Variants in GC observed in about 807,000 individuals in gnomAD.
GC encodes vitamin D-binding protein.
Under a neutral mutation model 56.7 loss-of-function variants are expected in GC, and 43 were observed. That is an observed-to-expected ratio of 0.76 (90% CI 0.59 to 0.98). The LOEUF is 0.98. Among genes scored for constraint, GC ranks in the 50% least tolerant of loss-of-function variants. The pLI, the probability that GC is intolerant of heterozygous loss-of-function variation, is 0.00. For missense variants in GC, 529 were observed against 545.9 expected, an observed-to-expected ratio of 0.97 and a Z score of 0.31; for synonymous variants, 216 against 202.7, an observed-to-expected ratio of 1.07 and a Z score of -0.56.
chr4:71,743,437 T>C (rs1741252720), intron 12 of GC, among the ~76,000 whole-genome samples: 1 of 152,312 alleles, frequency 6.6e-6, no homozygotes, highest in African/African-American at 2.4e-5. Context: ...ATGAAAAGAC[T>C]GATCTATCTG....
At chr4:71,764,462 G>A (rs578213977) in intron 4 of GC, among the ~76,000 whole-genome samples, 5 of 152,134 alleles carry the variant, frequency 3.3e-5, no homozygotes, top group African/African-American at 1.2e-4. Flanking sequence ...GTTTGTGTGA[G>A]AGGAGGGGCC....
In GC at chr4:71,754,440, T is replaced by A; in HGVS notation, c.1233A>T (p.Ser411=). The A allele has an allele frequency of 6.3e-7, 1 of 1,576,432 alleles. No homozygotes were observed. The highest frequency in any genetic ancestry group is 8.7e-7 in the Non-Finnish European group (1 of 1,147,082). The change falls in exon 10 of 13, where the codon TCA becomes TCT. Residue 411 remains serine (S), a synonymous_variant. Coordinates refer to ENST00000273951, the MANE Select transcript of GC (RefSeq NM_000583.4). ...DKGQELCADY[S]ENTFTEYKKK... is the part of the protein sequence containing the mutation. ...TCTTGTACTCAGTAAATGTATTTTC[T>A]GAATAATCTGCACATAGTTCTTGTC...
At chr4:71,790,776 A>G (rs964643400) in intron 1 of GC, among the ~76,000 whole-genome samples, 1 of 151,404 alleles carries the variant, frequency 6.6e-6, no homozygotes, top group Non-Finnish European at 1.5e-5. Flanking sequence ...TAATTTTATT[A>G]TTATTATACT....
At chr4:71,797,564 G>C (rs1050652353) in intron 1 of GC, among the ~76,000 whole-genome samples, 9 of 152,138 alleles carry the variant, frequency 5.9e-5, no homozygotes, top group Non-Finnish European at 1.2e-4. Context: ...TTTTTTCCAG[G>C]TACATTCTGT....
At chr4:71,754,927 T>C (rs1187375354) in intron 9 of GC, 51 bp downstream of exon 9, 1 of 1,395,430 alleles carries the variant, frequency 7.2e-7, no homozygotes, top group East Asian at 2.6e-5. Context: ...TGAACTATAA[T>C]TTTCCAACCC....
chr4:71,771,765 C>A (rs557415986), intron 1 of GC, among the ~76,000 whole-genome samples: 1 of 152,100 alleles, frequency 6.6e-6, no homozygotes, highest in African/African-American at 2.4e-5. Context: ...TATTGTGACA[C>A]GTTCAAAAGG....
intron 1 of GC, among the ~76,000 whole-genome samples, chr4:71,796,788 C>T (rs149935182): frequency 0.01 from 1,540 of 152,236 alleles, 30 homozygotes; most frequent in African/African-American, 0.036. Context: ...TGGTTTCTCC[C>T]CATCTTTGTG....
At chr4:71,793,872 T>C (rs1459708668) in intron 1 of GC, among the ~76,000 whole-genome samples, 4 of 152,346 alleles carry the variant, frequency 2.6e-5, no homozygotes, top group African/African-American at 9.6e-5. Flanking sequence ...TGAAGGGCTG[T>C]TGAATTTTGT....
chr4:71,761,572 A>T (rs1741975763), intron 6 of GC, among the ~76,000 whole-genome samples: 1 of 152,218 alleles, frequency 6.6e-6, no homozygotes, highest in African/African-American at 2.4e-5. Flanking sequence ...TGTATCCAAG[A>T]CATGTCAGAA....
At chr4:71,782,648 G>A (rs1351653639) in intron 1 of GC, among the ~76,000 whole-genome samples, 2 of 151,730 alleles carry the variant, frequency 1.3e-5, no homozygotes, top group African/African-American at 4.8e-5. Context: ...TGCACCTATT[G>A]AGTCAGCAGT....
At chr4:71,746,281 A>G (rs1741360750) in intron 11 of GC, 76 bp from the exon 12 acceptor site, 3 of 681,500 alleles carry the variant, frequency 4.4e-6, no homozygotes, top group Non-Finnish European at 7.7e-6. Flanking sequence ...CAGAAGGTAT[A>G]CAAAATCTTG....
intron 6 of GC, 50 bp downstream of exon 6, chr4:71,763,358 G>T: frequency 1.1e-6 from 1 of 913,588 alleles, no homozygotes; most frequent in South Asian, 1.5e-5. Flanking sequence ...ATTATGGATA[G>T]ACAGTGCAGA....
At chr4:71,762,842 C>A (rs1421139277) in intron 6 of GC, among the ~76,000 whole-genome samples, 1 of 152,210 alleles carries the variant, frequency 6.6e-6, no homozygotes. Flanking sequence ...CCATGTGGAA[C>A]TGTTAGTCCA....
At chr4:71,767,716 G>T (rs1428211162) in intron 3 of GC, among the ~76,000 whole-genome samples, 2 of 150,896 alleles carry the variant, frequency 1.3e-5, no homozygotes, top group East Asian at 3.9e-4. Flanking sequence ...TGGTTACATG[G>T]CTAAGTTCTT....
chr4:71,782,532 T>C (rs1742716121), intron 1 of GC, among the ~76,000 whole-genome samples: 1 of 151,798 alleles, frequency 6.6e-6, no homozygotes, highest in Admixed American at 6.6e-5. Flanking sequence ...GTTTTTAGCA[T>C]CCATTTCATC....
chr4:71,795,415 G>T (rs116277745), intron 1 of GC, among the ~76,000 whole-genome samples: 1,540 of 152,114 alleles, frequency 0.01, 31 homozygotes, highest in African/African-American at 0.036. Context: ...TTATGTAATG[G>T]CCTTGTTTGT....
intron 11 of GC, among the ~76,000 whole-genome samples, chr4:71,750,384 C>G (rs1303807106): frequency 6.6e-6 from 1 of 152,124 alleles, no homozygotes; most frequent in African/African-American, 2.4e-5. Context: ...GCTGAATGCA[C>G]CTCTAGAAGG....
At chr4:71,802,655 C>G (rs1255021340) in intron 1 of GC, among the ~76,000 whole-genome samples, 1 of 152,206 alleles carries the variant, frequency 6.6e-6, no homozygotes, top group Non-Finnish European at 1.5e-5. Context: ...CTTGTACTAT[C>G]AAGTTCTTTG....
chr4:71,801,108 G>T (rs899476121), intron 1 of GC, among the ~76,000 whole-genome samples: 25 of 152,110 alleles, frequency 1.6e-4, no homozygotes, highest in African/African-American at 6.0e-4. Context: ...ATCCAGAAGA[G>T]AGAACTCTTA....
Sources: gnomAD v4.1 joint callset for allele counts (sites outside exome capture counted in the v4.1 genomes callset) on GRCh38, gnomAD v4.1.1 for gene constraint, MANE v1.5 for transcripts, NCBI Gene and HGNC (gene_info 2026-07-23, HGNC 2026-07-21) for gene names.